The following CACNA2D3 variants were observed in gnomAD, a reference collection of about 807,000 sequenced individuals.
The protein encoded by CACNA2D3 is calcium voltage-gated channel auxiliary subunit alpha2delta 3, also known as voltage-dependent calcium channel subunit alpha-2/delta-3.
CACNA2D3 carries 60 observed loss-of-function variants against 160.6 expected under a neutral mutation model. That is an observed-to-expected ratio of 0.37 (90% CI 0.30 to 0.46). CACNA2D3 has a LOEUF of 0.46. Ranked by LOEUF, CACNA2D3 falls within the 20% of genes least tolerant of loss-of-function variation. The pLI is 1.00. For synonymous variants in CACNA2D3, 558 were observed against 492.9 expected (o/e 1.13, Z -1.75); for missense variants, 1,205 against 1,365.0 (o/e 0.88, Z 1.85).
At chr3:54,685,782 T>C (rs1439848987) in intron 11 of CACNA2D3, among the ~76,000 whole-genome samples, 1 of 152,172 alleles carries the variant, frequency 6.6e-6, no homozygotes, top group East Asian at 1.9e-4. Context: ...TCATTTTGTG[T>C]TTTGGGAGTT....
intron 3 of CACNA2D3, among the ~76,000 whole-genome samples, chr3:54,347,012 G>T (rs780818407): frequency 6.6e-6 from 1 of 152,082 alleles, no homozygotes; most frequent in Non-Finnish European, 1.5e-5. Flanking sequence ...GTTTAGATTC[G>T]GGCAAGTGGC....
At chr3:54,438,222 C>G (rs1267264989) in intron 4 of CACNA2D3, among the ~76,000 whole-genome samples, 1 of 152,046 alleles carries the variant, frequency 6.6e-6, no homozygotes, top group Non-Finnish European at 1.5e-5. Flanking sequence ...TGGGCTACTT[C>G]CTAAGTATGA....
chr3:54,540,507 G>A (rs6445691), intron 5 of CACNA2D3, among the ~76,000 whole-genome samples: 39,392 of 151,970 alleles, frequency 0.26, 5,281 homozygotes, highest in Non-Finnish European at 0.3. Context: ...TTAAGGTAAC[G>A]TGGGAAATCG....
chr3:54,619,099 A>G (rs748562799), intron 9 of CACNA2D3, among the ~76,000 whole-genome samples: 36 of 152,350 alleles, frequency 2.4e-4, no homozygotes, highest in Admixed American at 3.9e-4. Context: ...CAGAAACACA[A>G]CACAGGCGTC....
intron 17 of CACNA2D3, among the ~76,000 whole-genome samples, chr3:54,856,467 C>T (rs1036933178): frequency 3.9e-5 from 6 of 152,084 alleles, no homozygotes; most frequent in African/African-American, 7.2e-5. Context: ...ATCTTTCCCT[C>T]CCCCACCTGC....
chr3:54,187,496 G>T (rs1700898318), intron 2 of CACNA2D3, among the ~76,000 whole-genome samples: 1 of 152,148 alleles, frequency 6.6e-6, no homozygotes, highest in Non-Finnish European at 1.5e-5. Flanking sequence ...AGGGCTGGAG[G>T]GTAATGGGAT....
intron 4 of CACNA2D3, among the ~76,000 whole-genome samples, chr3:54,446,522 A>G (rs1700224498): frequency 6.6e-6 from 1 of 152,188 alleles, no homozygotes; most frequent in Admixed American, 6.5e-5. Context: ...ACAATGGATA[A>G]TATAACAAAC....
intron 13 of CACNA2D3, among the ~76,000 whole-genome samples, chr3:54,813,657 G>A (rs1703383282): frequency 6.6e-6 from 1 of 152,012 alleles, no homozygotes; most frequent in Non-Finnish European, 1.5e-5. Flanking sequence ...GGAAGTACCA[G>A]TCACAGGTTA....
intron 13 of CACNA2D3, among the ~76,000 whole-genome samples, chr3:54,800,286 C>T (rs1476547886): frequency 6.6e-6 from 1 of 152,182 alleles, no homozygotes; most frequent in African/African-American, 2.4e-5. Context: ...ATATAATTTT[C>T]AAGCAGGAAA....
chr3:54,478,219 A>C (rs1269858807), intron 4 of CACNA2D3, among the ~76,000 whole-genome samples: 1 of 152,172 alleles, frequency 6.6e-6, no homozygotes, highest in Non-Finnish European at 1.5e-5. Context: ...TAAAAAATTT[A>C]ATTAATGACT....
At chr3:54,508,133 G>T (rs753734222) in intron 5 of CACNA2D3, among the ~76,000 whole-genome samples, 2 of 152,204 alleles carry the variant, frequency 1.3e-5, no homozygotes, top group African/African-American at 4.8e-5. Context: ...AGCCAAAGTG[G>T]CAGCAGCAGT....
At chr3:54,361,663 C>CTTGT (rs887379615) in intron 3 of CACNA2D3, among the ~76,000 whole-genome samples, 3 of 152,148 alleles carry the variant, frequency 2.0e-5, no homozygotes, top group African/African-American at 7.2e-5. Context: ...AAAGACTAGG[C>CTTGT]TTGTGGTTGA....
chr3:54,144,006 CTCT>C (rs758174037), intron 2 of CACNA2D3, among the ~76,000 whole-genome samples: 22 of 152,030 alleles, frequency 1.4e-4, no homozygotes, highest in Admixed American at 1.1e-3. Flanking sequence ...AAAATTTATC[CTCT>C]TCTTTGAAAA....
At chr3:54,905,441 T>C (rs1232236754) in intron 27 of CACNA2D3, among the ~76,000 whole-genome samples, 2 of 152,216 alleles carry the variant, frequency 1.3e-5, no homozygotes, top group Admixed American at 6.5e-5. Flanking sequence ...ATTTAACTTG[T>C]GAACATTCCT....
intron 13 of CACNA2D3, among the ~76,000 whole-genome samples, chr3:54,802,138 C>G (rs1219408329): frequency 2.0e-5 from 3 of 152,166 alleles, no homozygotes; most frequent in Admixed American, 6.6e-5. Context: ...CTTTCAACAT[C>G]ACCATAATAG....
chr3:54,627,698 T>C, intron 9 of CACNA2D3, 89 bp from the exon 10 acceptor site: 1 of 783,604 alleles, frequency 1.3e-6, no homozygotes. Flanking sequence ...CAATCATTGG[T>C]CTTGCCATGG....
rs1252552558 is a variant in CACNA2D3, at chr3:54,756,554, C to T, written c.1246+3877C>T. ...TTACATATTTTCACCCTGACTCAGCCAAGTTCTGCAGTGAAATGAAGCATT... is the reference window on the plus strand; with the variant it reads ...TTACATATTTTCACCCTGACTCAGCTAAGTTCTGCAGTGAAATGAAGCATT... On this transcript the variant is annotated intron_variant, in intron 12 of 37. Coordinates refer to ENST00000474759, the MANE Select transcript of CACNA2D3 (RefSeq NM_018398.3). Among the ~76,000 whole-genome samples, 3 of 152,162 alleles carry T rather than the reference C, an allele frequency of 2.0e-5. No individual in the cohort carries two copies. In the East Asian group the frequency reaches 5.8e-4, roughly 29 times the overall value.
intron 10 of CACNA2D3, among the ~76,000 whole-genome samples, chr3:54,637,427 A>G (rs1003887498): frequency 2.6e-5 from 4 of 152,046 alleles, no homozygotes; most frequent in Middle Eastern, 3.4e-3. Context: ...AGGAATAGTC[A>G]GGGAAGCAGA....
chr3:54,294,926 T>A (rs1469203236), intron 2 of CACNA2D3, among the ~76,000 whole-genome samples: 3 of 151,880 alleles, frequency 2.0e-5, no homozygotes, highest in Admixed American at 6.6e-5. Context: ...TCTCCTAGTT[T>A]GAGTGAAGCT....
Sources: allele counts gnomAD v4.1 joint callset (sites outside exome capture counted in the v4.1 genomes callset), GRCh38; gene constraint gnomAD v4.1.1; transcripts MANE v1.5; gene names NCBI Gene and HGNC (gene_info 2026-07-23, HGNC 2026-07-21).